The following DNAH14 variants were observed in gnomAD, a reference collection of about 807,000 sequenced individuals.
DNAH14 encodes the protein dynein axonemal heavy chain 14.
A neutral mutation model predicts 520.9 loss-of-function variants in DNAH14; 478 were observed. The observed-to-expected ratio is 0.92, with a 90% confidence interval of 0.85 to 0.99. The LOEUF is 0.99. DNAH14 is among the 50% of genes least tolerant of loss of function. The pLI is 0.00. For missense variants in DNAH14, 4,831 were observed against 5,234.5 expected, an observed-to-expected ratio of 0.92 and a Z score of 2.38; for synonymous variants, 1,581 against 1,757.2, an observed-to-expected ratio of 0.90 and a Z score of 2.51.
Position 225,051,528 on chromosome 1 carries a change from TAC to T in DNAH14, c.2158_2159del (p.Thr720HisfsTer24). ...ACAGCCACAAGTTTATAAAGTATTGTACCATGACAGAAAAGGCCAAAATCATG... is the reference window on the plus strand; with the variant it reads ...ACAGCCACAAGTTTATAAAGTATTGTCATGACAGAAAAGGCCAAAATCATG... ...AYSHKFIKYC[T>X]MTEKAKIMSM... is the part of the protein sequence containing the mutation. On this transcript the variant is annotated frameshift_variant, in exon 17 of 86. Coordinates refer to ENST00000682510, the MANE Select transcript of DNAH14 (RefSeq NM_001367479.1). LOFTEE classifies it high-confidence loss of function. The T allele has an allele frequency of 6.4e-7, 1 of 1,551,044 alleles. No homozygotes were observed. Among genetic ancestry groups the T allele is most frequent in the Non-Finnish European group, 8.7e-7 (1 of 1,146,684 alleles).
intron 28 of DNAH14, among the ~76,000 whole-genome samples, chr1:225,143,440 C>T (rs2079628613): frequency 6.6e-6 from 1 of 151,720 alleles, no homozygotes; most frequent in South Asian, 2.1e-4. Context: ...AAAATTTACT[C>T]ACTTTTCCAG....
chr1:225,083,906 A>G (rs1342013320), intron 20 of DNAH14, among the ~76,000 whole-genome samples: 1 of 152,144 alleles, frequency 6.6e-6, no homozygotes, highest in Non-Finnish European at 1.5e-5. Flanking sequence ...TATTGGAACT[A>G]TTCTTGGGTA....
chr1:225,162,154 G>A (rs887457878), intron 35 of DNAH14, among the ~76,000 whole-genome samples: 4 of 152,122 alleles, frequency 2.6e-5, no homozygotes, highest in Non-Finnish European at 5.9e-5. Flanking sequence ...TTAGATTTAA[G>A]CCTTTAATCC....
At chr1:225,327,420 C>G (rs2094700197) in intron 64 of DNAH14, among the ~76,000 whole-genome samples, 7 of 152,210 alleles carry the variant, frequency 4.6e-5, no homozygotes, top group Admixed American at 3.9e-4. Context: ...CTCGGCCTAC[C>G]AAAGTGCTGG....
chr1:225,143,074 A>T lies in DNAH14; in HGVS notation c.4509-1323A>T, dbSNP rs111276061. 3.9e-3 allele frequency among the ~76,000 whole-genome samples: 587 copies of T among 152,266 alleles called. 5 individuals are homozygous for T. Among genetic ancestry groups the T allele is most frequent in the African/African-American group, 0.013 (555 of 41,568 alleles). On this transcript the variant is annotated intron_variant, in intron 28 of 85. Coordinates refer to ENST00000682510, the MANE Select transcript of DNAH14 (RefSeq NM_001367479.1). ...ACTGCTTTGGACCTAAAACTAACAA[A>T]AGAAACTATTAGATATTCCTTTTGG...
At chr1:225,089,180 A>T (rs1026843017) in intron 21 of DNAH14, among the ~76,000 whole-genome samples, 1 of 152,198 alleles carries the variant, frequency 6.6e-6, no homozygotes, top group Admixed American at 6.5e-5. Flanking sequence ...GCGACGGCTC[A>T]TGCCTGTAAT....
intron 8 of DNAH14, among the ~76,000 whole-genome samples, chr1:224,978,651 T>C (rs1300540907): frequency 6.6e-6 from 1 of 152,170 alleles, no homozygotes. Flanking sequence ...TCTTATTTCC[T>C]TTTTTTAGAG....
At chr1:225,107,812 C>T (rs2076195777) in intron 23 of DNAH14, among the ~76,000 whole-genome samples, 1 of 152,114 alleles carries the variant, frequency 6.6e-6, no homozygotes, top group African/African-American at 2.4e-5. Context: ...TTGTTATTGC[C>T]TGTCTTTTGG....
intron 54 of DNAH14, among the ~76,000 whole-genome samples, chr1:225,287,985 A>C (rs2093786319): frequency 2.6e-5 from 4 of 152,166 alleles, no homozygotes; most frequent in Admixed American, 2.6e-4. Context: ...CTAAATAAAT[A>C]AGTAAATGAG....
chr1:225,245,169 C>T (rs2092210477), intron 43 of DNAH14, among the ~76,000 whole-genome samples: 1 of 152,166 alleles, frequency 6.6e-6, no homozygotes, highest in African/African-American at 2.4e-5. Context: ...GAGTGAGTTT[C>T]TTAATCCTGA....
At chr1:225,136,039 A>G (rs369419547) in intron 27 of DNAH14, among the ~76,000 whole-genome samples, 177 of 152,078 alleles carry the variant, frequency 1.2e-3, no homozygotes, top group African/African-American at 4.1e-3. Flanking sequence ...TTTTGAGCCT[A>G]TGTGTGTCTT....
chr1:225,365,240 A>G (rs966669349), intron 76 of DNAH14, among the ~76,000 whole-genome samples: 5 of 152,194 alleles, frequency 3.3e-5, no homozygotes, highest in Non-Finnish European at 4.4e-5. Flanking sequence ...TTAATTCTCT[A>G]GAAAGGGTCT....
intron 17 of DNAH14, among the ~76,000 whole-genome samples, chr1:225,065,523 C>G (rs991956785): frequency 1.3e-5 from 2 of 151,720 alleles, no homozygotes; most frequent in Non-Finnish European, 2.9e-5. Context: ...CCATTTCCCC[C>G]ACCCATAGCC....
At chr1:225,122,930 G>A (rs12565401) in intron 26 of DNAH14, among the ~76,000 whole-genome samples, 11,116 of 152,204 alleles carry the variant, frequency 0.073, 634 homozygotes, top group East Asian at 0.24. Context: ...ATGAAATTTA[G>A]TGTTGAGAAT....
intron 31 of DNAH14, among the ~76,000 whole-genome samples, chr1:225,148,729 T>C (rs1175761441): frequency 6.6e-6 from 1 of 152,162 alleles, no homozygotes; most frequent in Non-Finnish European, 1.5e-5. Context: ...GCTTGTTGCC[T>C]GCATATATGT....
intron 60 of DNAH14, among the ~76,000 whole-genome samples, chr1:225,315,116 C>A (rs1007629586): frequency 4.6e-5 from 7 of 152,032 alleles, no homozygotes; most frequent in Admixed American, 1.3e-4. Context: ...TCACATATTT[C>A]TTGGAGGCTT....
At position 225,280,456 on chromosome 1, in the gene DNAH14, G is replaced by A. The variant is rs148156540; in HGVS notation, c.8271+2954G>A. On this transcript the variant is annotated intron_variant, in intron 54 of 85. Coordinates refer to ENST00000682510, the MANE Select transcript of DNAH14 (RefSeq NM_001367479.1). ...CTACTAAAAATACAAAAAATTAGCC[G>A]GGCATGGTGGTGGGTGCCTGTAGTC... is the stretch of plus-strand genomic sequence containing the variant. Among the ~76,000 whole-genome samples, 748 of 151,994 alleles carry A rather than the reference G, an allele frequency of 4.9e-3. 7 individuals carry two copies. The highest frequency in any genetic ancestry group is 0.017 in the African/African-American group (704 of 41,452).
At chr1:225,147,858 G>C (rs2080100176) in intron 31 of DNAH14, among the ~76,000 whole-genome samples, 1 of 152,076 alleles carries the variant, frequency 6.6e-6, no homozygotes, top group Non-Finnish European at 1.5e-5. Flanking sequence ...TCATCACTTA[G>C]CTCCCACATA....
At position 224,974,154 on chromosome 1, in the gene DNAH14, G is replaced by A; in HGVS notation, c.830+1G>A. On this transcript the variant is annotated splice_donor_variant, in intron 8 of 85. Transcript: ENST00000682510. LOFTEE classifies it high-confidence loss of function. ...AAAGAATTAAGACAGAGAAGAGCAG[G>A]TAAGTTTTGATACGCAATATATAAA... 6.8e-7 allele frequency: 1 copy of A among 1,468,924 alleles called. No homozygotes were observed. Among genetic ancestry groups the A allele is most frequent in the Non-Finnish European group, 9.1e-7 (1 of 1,101,940 alleles). The allele number at this position is 1,468,924 out of a possible 1,614,324, so 91.0% of individuals were successfully genotyped here. A position where few individuals can be genotyped will look rare whatever the true frequency, so the allele number is the denominator to read the frequency against.
Sources: gnomAD v4.1 joint callset for allele counts (sites outside exome capture counted in the v4.1 genomes callset) on GRCh38, gnomAD v4.1.1 for gene constraint, MANE v1.5 for transcripts, NCBI Gene and HGNC (gene_info 2026-07-23, HGNC 2026-07-21) for gene names.